TTN: variants seen among roughly 807,000 people sequenced by gnomAD.
The protein encoded by TTN is titin.
In TTN, 1,525 loss-of-function variants were observed where a neutral mutation model predicts 3,223.0. The ratio of observed to expected loss-of-function variants is 0.47; its 90% CI spans 0.45 to 0.49. The LOEUF (loss-of-function observed/expected upper bound fraction) is 0.49. Among genes scored for constraint, TTN ranks in the 20% least tolerant of loss-of-function variants. TTN has a pLI of 0.00. For synonymous variants in TTN, 14,094 were observed against 15,161.0 expected (o/e 0.93, Z 5.17); for missense variants, 40,786 against 43,424.0 (o/e 0.94, Z 5.40).
intron 240 of TTN, among the ~76,000 whole-genome samples, chr2:178,628,118 A>AGG (rs2059305192): frequency 6.6e-6 from 1 of 152,084 alleles, no homozygotes; most frequent in Non-Finnish European, 1.5e-5. Flanking sequence ...TATTATCTGT[A>AGG]TAACAGGCAG....
rs1228771607 is a variant in TTN, at chr2:178,728,396, A to G, written c.19428T>C (p.Asp6476=). ...TGGTGAATGATGGAGGAATATTTTG[A>G]TCTGTCCAATGCAAACAGCAAAACA... ...SSCDAYLRVL[D]QNIPPSFTKK... Residue 6476 remains aspartate (D), a splice_region_variant and synonymous_variant, in exon 67 of 363, where the codon GAT becomes GAC. Coordinates refer to ENST00000589042, the MANE Select transcript of TTN (RefSeq NM_001267550.2). 3.1e-6 allele frequency: 5 copies of G among 1,598,270 alleles called. No individual in the cohort carries two copies. The highest frequency in any genetic ancestry group is 4.3e-6 in the Non-Finnish European group (5 of 1,172,524).
In TTN at chr2:178,805,365, T is replaced by A. The variant is rs1034628591; in HGVS notation, c.-13-710A>T. Among the ~76,000 whole-genome samples, 83 of 143,646 alleles carry A rather than the reference T, an allele frequency of 5.8e-4. 1 individual carries two copies. The East Asian group carries it at 0.011, about 18-fold the overall frequency. 94.2% of individuals were successfully genotyped at this position (143,646 alleles called of 152,430 possible). ...TCTCAAAAAAAAAAAAAAAAAAAAATTAAAATAAATAAACCTCTGCATCAG... is the reference window on the plus strand; with the variant it reads ...TCTCAAAAAAAAAAAAAAAAAAAAAATAAAATAAATAAACCTCTGCATCAG... On this transcript the variant is annotated intron_variant, in intron 1 of 362. Transcript: ENST00000589042.
Position 178,612,142 on chromosome 2 carries a change from C to G in TTN, c.50269G>C (p.Ala16757Pro). The change falls in exon 267 of 363, where the codon GCC becomes CCC. Residue 16757 changes from alanine to proline, a missense_variant. Transcript: ENST00000589042. ...TTTGTCACATCAACCACTGCCAGGGCGTAGGGTGGTCCAGGAGTGGCTGAA... is the reference window on the plus strand; with the variant it reads ...TTTGTCACATCAACCACTGCCAGGGGGTAGGGTGGTCCAGGAGTGGCTGAA... ...DTFTTPGPPY[A>P]LAVVDVTKRH... The G allele has an allele frequency of 6.2e-7, 1 of 1,611,256 alleles. No individual in the cohort carries two copies. The highest frequency in any genetic ancestry group is 8.5e-7 in the Non-Finnish European group (1 of 1,178,708).
Position 178,627,407 on chromosome 2 carries a change from T to A in TTN, c.44424+1894A>T, listed in dbSNP as rs2059207674. 2.6e-5 allele frequency among the ~76,000 whole-genome samples: 4 copies of A among 152,120 alleles called. No homozygotes were observed. The South Asian group carries it at 8.3e-4, about 32-fold the overall frequency. ...TCGGAATTACATTGACAAGAGCAAGTTTGTTCTGACAGACTTAATTTAAAC... is the reference window on the plus strand; with the variant it reads ...TCGGAATTACATTGACAAGAGCAAGATTGTTCTGACAGACTTAATTTAAAC... On this transcript the variant is annotated intron_variant, in intron 240 of 362. Coordinates refer to ENST00000589042, the MANE Select transcript of TTN (RefSeq NM_001267550.2).
chr2:178,754,047 CT>C (rs2086291412), intron 46 of TTN: 1 of 152,022 alleles, frequency 6.6e-6, no homozygotes, highest in Non-Finnish European at 1.5e-5. Flanking sequence ...CATAAATTAG[CT>C]GTGTTTGTAA....
chr2:178,785,435 C>T (rs1048572472), intron 15 of TTN, among the ~76,000 whole-genome samples, 185 bp downstream of exon 15: 9 of 152,176 alleles, frequency 5.9e-5, no homozygotes, highest in African/African-American at 1.2e-4. Flanking sequence ...TCTAGGCTCA[C>T]TCCCCTGGGC....
intron 139 of TTN, 44 bp from the exon 140 acceptor site, chr2:178,680,099 A>C: frequency 6.2e-7 from 1 of 1,604,262 alleles, no homozygotes; most frequent in Non-Finnish European, 8.5e-7. Flanking sequence ...CCAATGACTC[A>C]ACAAAATTAA....
rs72650031 is a variant in TTN, at chr2:178,684,680, G to A, written c.32624C>T (p.Pro10875Leu). 6.1e-3 allele frequency: 9,752 copies of A among 1,609,214 alleles called. 55 individuals are homozygous for A. Among genetic ancestry groups the A allele is most frequent in the Middle Eastern group, 0.014 (84 of 6,020 alleles). Residue 10875 changes from proline (P) to leucine (L), a missense_variant, in exon 131 of 363, where the codon CCT (proline) becomes CTT (leucine). Physicochemically the swap from Pro to Leu is moderately conservative, Grantham distance 98 (BLOSUM62 -3). Coordinates refer to ENST00000589042, the MANE Select transcript of TTN (RefSeq NM_001267550.2). ...VPPKVIKMEE[P>L]LPAKVTERHM... ...GGTTTGTTTACCTTTGGCTGGGAGA[G>A]GTTCTTCCATCTTAATGACTTTTGG...
At chr2:178,781,513 G>C (rs1381226010) in intron 20 of TTN, among the ~76,000 whole-genome samples, 1 of 152,194 alleles carries the variant, frequency 6.6e-6, no homozygotes, top group Non-Finnish European at 1.5e-5. Flanking sequence ...ATGAAATTAA[G>C]TGGTTTTCAG....
intron 106 of TTN, among the ~76,000 whole-genome samples, chr2:178,703,591 C>T (rs2154290640): frequency 6.6e-6 from 1 of 152,254 alleles, no homozygotes; most frequent in African/African-American, 2.4e-5. Flanking sequence ...TGTGTATAAT[C>T]AATTAGGAAA....
chr2:178,774,200 G>T lies in TTN; in HGVS notation c.7057+7C>A, dbSNP rs1574627182. The T allele has an allele frequency of 6.2e-7, 1 of 1,614,030 alleles. No homozygotes were observed. The highest frequency in any genetic ancestry group is 2.2e-5 in the East Asian group (1 of 44,864). On this transcript the variant is annotated splice_region_variant and intron_variant, in intron 30 of 362. Transcript: ENST00000589042. ...CACTGCAGGCTGACAGGAATGGGAGGACTTACGTTTCATCTTTAATTTACA... is the reference window on the plus strand; with the variant it reads ...CACTGCAGGCTGACAGGAATGGGAGTACTTACGTTTCATCTTTAATTTACA...
chr2:178,763,907 C>CT (rs1423519494), intron 43 of TTN, among the ~76,000 whole-genome samples: 1 of 142,450 alleles, frequency 7.0e-6, no homozygotes, highest in South Asian at 2.3e-4. Context: ...GGAACATGAC[C>CT]TTTTTTAATA....
At position 178,728,790 on chromosome 2, in the gene TTN, A is replaced by G. The variant is rs2079831850; in HGVS notation, c.19148-12T>C. 6.3e-7 allele frequency: 1 copy of G among 1,590,154 alleles called. No individual in the cohort carries two copies. Among genetic ancestry groups the G allele is most frequent in the Non-Finnish European group, 8.6e-7 (1 of 1,163,910 alleles). ...GATTTGAGCTGGTTCTGTAGTAAAA[A>G]TGAAAATGTGGATGAGTTACATTGG... On this transcript the variant is annotated splice_polypyrimidine_tract_variant and intron_variant, in intron 65 of 362. Transcript: ENST00000589042.
Position 178,705,370 on chromosome 2 carries a change from TAAAAAG to T in TTN, c.29421-19_29421-14del. 1 of 1,517,132 alleles carries T rather than the reference TAAAAAG, an allele frequency of 6.6e-7. No homozygotes were observed. Among genetic ancestry groups the T allele is most frequent in the Non-Finnish European group, 8.8e-7 (1 of 1,135,432 alleles). The allele number at this position is 1,517,132 out of a possible 1,614,324, so 94.0% of individuals were successfully genotyped here. A position where few individuals can be genotyped will look rare whatever the true frequency, so the allele number is the denominator to read the frequency against. ...TAAGATTGGAGTCCTAAATAAAATT[TAAAAAG>T]TAAGGATAAAACACCTGTCTTCTAC... On this transcript the variant is annotated splice_polypyrimidine_tract_variant and intron_variant, in intron 102 of 362. Transcript: ENST00000589042.
In TTN at chr2:178,549,105, C is replaced by G. The variant is rs765241194; in HGVS notation, c.92521G>C (p.Glu30841Gln). The G allele has an allele frequency of 6.2e-7, 1 of 1,613,906 alleles. No individual in the cohort carries two copies. Among genetic ancestry groups the G allele is most frequent in the South Asian group, 1.1e-5 (1 of 91,086 alleles). The change falls in exon 339 of 363, where the codon GAA (glutamate) becomes CAA (glutamine). Residue 30841 changes from glutamate (E) to glutamine (Q), a missense_variant. Transcript: ENST00000589042. Reference protein sequence around the residue: ...TDTSKTTVSLEWSKPVFDGGM... With the variant: ...TDTSKTTVSLQWSKPVFDGGM... ...CCATCAAACACTGGTTTGGACCATT[C>G]TAAGCTCACAGTTGTCTTTGATGTG...
In TTN at chr2:178,786,227, G is replaced by A. The variant is rs6715901; in HGVS notation, c.2077-86C>T. On this transcript the variant is annotated intron_variant, in intron 13 of 362. Transcript: ENST00000589042. The stretch of plus-strand genomic sequence containing the variant: ...CTGGGCATCAGGACAGGCAGATGGC[G>A]TCCACATTATACAGCAGTGTTAACG... The A allele has an allele frequency of 0.45, 648,251 of 1,427,194 alleles. 154,437 individuals carry two copies. Among genetic ancestry groups the A allele is most frequent in the Non-Finnish European group, 0.5 (512,169 of 1,032,094 alleles). The allele number at this position is 1,427,194 out of a possible 1,614,324, so 88.4% of individuals were successfully genotyped here. A position where few individuals can be genotyped will look rare whatever the true frequency, so the allele number is the denominator to read the frequency against.
Position 178,578,920 on chromosome 2 carries a change from T to C in TTN, c.68110A>G (p.Arg22704Gly), listed in dbSNP as rs1393414222. Residue 22704 changes from arginine (R) to glycine (G), a missense_variant, in exon 320 of 363, where the codon AGA (arginine) becomes GGA (glycine). Physicochemically the swap from Arg to Gly is moderately radical, Grantham distance 125 (BLOSUM62 -2). Coordinates refer to ENST00000589042, the MANE Select transcript of TTN (RefSeq NM_001267550.2). Reference protein sequence around the residue: ...CASAVQKTTFRVTRLHEGMEY... With the variant: ...CASAVQKTTFGVTRLHEGMEY... ...ATGCCCTCATGAAGTCTGGTTACTCTAAAGGTGGTTTTCTGGACAGCTGAG... is the reference window on the plus strand; with the variant it reads ...ATGCCCTCATGAAGTCTGGTTACTCCAAAGGTGGTTTTCTGGACAGCTGAG... The C allele has an allele frequency of 6.2e-7, 1 of 1,613,366 alleles. No individual in the cohort carries two copies. Among genetic ancestry groups the C allele is most frequent in the South Asian group, 1.1e-5 (1 of 91,070 alleles).
chr2:178,684,015 C>G lies in TTN; in HGVS notation c.32790G>C (p.Glu10930Asp). ...TCAGTATACCTTTAGCTGGTGGTTCCTCCTCTCTTTTAGGTTTGAGTTTCA... is the reference window on the plus strand; with the variant it reads ...TCAGTATACCTTTAGCTGGTGGTTCGTCCTCTCTTTTAGGTTTGAGTTTCA... ...KVLKLKPKRE[E>D]EPPAKVTEFR... The change falls in exon 133 of 363, where the codon GAG becomes GAC. Residue 10930 changes from glutamate to aspartate, a missense_variant. By Grantham distance (45) the Glu-to-Asp change is conservative (BLOSUM62 2). Transcript: ENST00000589042. 6.3e-7 allele frequency: 1 copy of G among 1,593,040 alleles called. No homozygotes were observed. Among genetic ancestry groups the G allele is most frequent in the Non-Finnish European group, 8.5e-7 (1 of 1,170,968 alleles).
At chr2:178,703,030 C>A (rs769732387) in intron 106 of TTN, among the ~76,000 whole-genome samples, 2 of 152,206 alleles carry the variant, frequency 1.3e-5, no homozygotes, top group Non-Finnish European at 2.9e-5. Flanking sequence ...CTGTGAAATT[C>A]TTTCTTGCCT....
Sources: allele counts gnomAD v4.1 joint callset (sites outside exome capture counted in the v4.1 genomes callset), GRCh38; gene constraint gnomAD v4.1.1; transcripts MANE v1.5; gene names NCBI Gene and HGNC (gene_info 2026-07-23, HGNC 2026-07-21).